The following RGS7BP variants were observed in gnomAD, a reference collection of about 807,000 sequenced individuals.
The protein encoded by RGS7BP is regulator of G protein signaling 7 binding protein.
A neutral mutation model predicts 31.3 loss-of-function variants in RGS7BP; 9 were observed. The observed-to-expected ratio is 0.29, with a 90% confidence interval of 0.17 to 0.50. The LOEUF is 0.50. RGS7BP is among the 20% of genes least tolerant of loss of function. The pLI is 0.98. For synonymous variants in RGS7BP, 115 were observed against 120.1 expected (o/e 0.96, Z 0.28); for missense variants, 274 against 322.0 (o/e 0.85, Z 1.14).
chr5:64,506,888 C>T lies in RGS7BP; in HGVS notation c.165+99C>T, dbSNP rs150368336. On this transcript the variant is annotated intron_variant, in intron 1 of 5. Transcript: ENST00000334025. The surrounding 1 kb of genome is among the most constrained non-coding windows in gnomAD (Gnocchi z 4.6). ...TTTGCCTGAGTGCCAGCCACTCCCC[C>T]ACCCTCAGCTCCTCAATGCCGATCA... The T allele has an allele frequency of 3.8e-5, 43 of 1,145,250 alleles. No homozygotes were observed. In the East Asian group the frequency reaches 8.8e-4, roughly 23 times the overall value. The allele number at this position is 1,145,250 out of a possible 1,614,324, so 70.9% of individuals were successfully genotyped here.
chr5:64,523,700 G>C (rs1306603360), intron 2 of RGS7BP, among the ~76,000 whole-genome samples: 2 of 152,128 alleles, frequency 1.3e-5, no homozygotes, highest in Non-Finnish European at 2.9e-5. Flanking sequence ...GAGAAAAAAG[G>C]AAATATATTT....
intron 3 of RGS7BP, among the ~76,000 whole-genome samples, chr5:64,585,139 G>A (rs1486552618): frequency 1.3e-5 from 2 of 152,086 alleles, no homozygotes; most frequent in African/African-American, 4.8e-5. Context: ...CAGTCAGTAT[G>A]AAAACTGCCC....
chr5:64,577,505 C>G (rs1328131728), intron 3 of RGS7BP, among the ~76,000 whole-genome samples: 1 of 152,136 alleles, frequency 6.6e-6, no homozygotes, highest in Non-Finnish European at 1.5e-5. Flanking sequence ...AAAACAAGAT[C>G]CTACTACATT....
At position 64,561,829 on chromosome 5, in the gene RGS7BP, C is replaced by G. The variant is rs551288537; in HGVS notation, c.333-13945C>G. On this transcript the variant is annotated intron_variant, in intron 2 of 5. Transcript: ENST00000334025. ...AACCTAAACGTTTGCTAATCACTAT[C>G]TCCTCCTGCCCATATGTCTGTCTGC... 5.4e-4 allele frequency among the ~76,000 whole-genome samples: 81 copies of G among 149,174 alleles called. 1 individual carries two copies. The highest frequency in any genetic ancestry group is 1.7e-3 in the African/African-American group (67 of 38,666).
rs148551532 is a variant in RGS7BP, at chr5:64,507,851, A to G, written c.306A>G (p.Ala102=). The change falls in exon 2 of 6, where the codon GCA becomes GCG. Residue 102 remains alanine, a synonymous_variant. Coordinates refer to ENST00000334025, the MANE Select transcript of RGS7BP (RefSeq NM_001029875.3). ...AAGGCTGTGAAATGGCCCGTCAGGC[A>G]CACCAAAAATTGGCTGCCATCTCAG... is the stretch of plus-strand genomic sequence containing the variant. The part of the protein sequence containing the change: ...RTKGCEMARQ[A]HQKLAAISGP... The G allele has an allele frequency of 7.4e-6, 12 of 1,613,466 alleles. No individual in the cohort carries two copies. In the African/African-American group the frequency reaches 1.6e-4, roughly 22 times the overall value.
intron 2 of RGS7BP, among the ~76,000 whole-genome samples, chr5:64,530,969 A>G (rs549222955): frequency 3.9e-4 from 60 of 152,324 alleles, no homozygotes; most frequent in African/African-American, 1.4e-3. Flanking sequence ...TGCCCTAGCC[A>G]ACACCACTGA....
intron 2 of RGS7BP, among the ~76,000 whole-genome samples, chr5:64,549,096 G>A (rs1471379122): frequency 1.3e-5 from 2 of 151,998 alleles, no homozygotes; most frequent in South Asian, 2.1e-4. Flanking sequence ...AAAGTCCAAG[G>A]TCTCATCTAA....
intron 2 of RGS7BP, among the ~76,000 whole-genome samples, chr5:64,565,629 C>G (rs534954184): frequency 9.2e-5 from 14 of 152,054 alleles, no homozygotes; most frequent in Non-Finnish European, 1.8e-4. Context: ...ACTTCTCACA[C>G]CACATAGGCA....
At chr5:64,511,248 C>T (rs1748824302) in intron 2 of RGS7BP, among the ~76,000 whole-genome samples, 1 of 152,250 alleles carries the variant, frequency 6.6e-6, no homozygotes, top group African/African-American at 2.4e-5. Context: ...ATACAATCAA[C>T]ACGCTTTCTC....
At chr5:64,538,493 TC>T (rs1330513147) in intron 2 of RGS7BP, among the ~76,000 whole-genome samples, 2 of 143,028 alleles carry the variant, frequency 1.4e-5, no homozygotes, top group Admixed American at 7.0e-5. Flanking sequence ...CCATTTTTTT[TC>T]CTTTTCTTTT....
chr5:64,569,875 C>A (rs1276319397), intron 2 of RGS7BP, among the ~76,000 whole-genome samples: 1 of 152,196 alleles, frequency 6.6e-6, no homozygotes, highest in Non-Finnish European at 1.5e-5. Flanking sequence ...CATCCCCTTC[C>A]CTCATCCTGT....
rs1743449384 is a variant in RGS7BP, at chr5:64,609,459, C to A, written c.*207C>A. 4 of 542,570 alleles carry A rather than the reference C, an allele frequency of 7.4e-6. No homozygotes were observed. Among genetic ancestry groups the A allele is most frequent in the Non-Finnish European group, 1.3e-5 (4 of 301,156 alleles). The allele number at this position is 542,570 out of a possible 1,614,324, so 33.6% of individuals were successfully genotyped here. On this transcript the variant is annotated 3_prime_UTR_variant, in exon 6 of 6. Transcript: ENST00000334025. The stretch of plus-strand genomic sequence containing the variant: ...AGAAAAAAAAGAACAGATTCAAAAA[C>A]CAGGCTGTTTTTAAAAGGGAATTTT...
At chr5:64,582,897 T>C (rs1037095485) in intron 3 of RGS7BP, among the ~76,000 whole-genome samples, 1 of 152,138 alleles carries the variant, frequency 6.6e-6, no homozygotes, top group Non-Finnish European at 1.5e-5. Flanking sequence ...AGAAATAGAA[T>C]ATAGCTGCCT....
At chr5:64,596,415 G>A (rs575995336) in intron 4 of RGS7BP, among the ~76,000 whole-genome samples, 6 of 152,198 alleles carry the variant, frequency 3.9e-5, no homozygotes, top group Non-Finnish European at 7.3e-5. Flanking sequence ...TAAGCCAACT[G>A]AATCAGGCTC....
At chr5:64,564,342 C>A (rs1425370406) in intron 2 of RGS7BP, among the ~76,000 whole-genome samples, 2 of 152,178 alleles carry the variant, frequency 1.3e-5, no homozygotes, top group African/African-American at 2.4e-5. Flanking sequence ...TGCTGGTTTT[C>A]TTTAATATGC....
At chr5:64,558,729 G>A (rs1741982775) in intron 2 of RGS7BP, among the ~76,000 whole-genome samples, 1 of 152,086 alleles carries the variant, frequency 6.6e-6, no homozygotes, top group South Asian at 2.1e-4. Flanking sequence ...ATGGGTAAGA[G>A]AAATATCACT....
chr5:64,599,472 G>A (rs2111970392), intron 5 of RGS7BP, among the ~76,000 whole-genome samples: 1 of 152,298 alleles, frequency 6.6e-6, no homozygotes, highest in Middle Eastern at 3.4e-3. Context: ...GCAGAAGGTG[G>A]AGGGGTGGAA....
At chr5:64,584,918 T>C (rs1742701939) in intron 3 of RGS7BP, among the ~76,000 whole-genome samples, 1 of 152,208 alleles carries the variant, frequency 6.6e-6, no homozygotes, top group Non-Finnish European at 1.5e-5. Flanking sequence ...ATATAATTTA[T>C]TTCTATTTAA....
intron 2 of RGS7BP, among the ~76,000 whole-genome samples, chr5:64,574,926 T>C (rs571387988): frequency 5.1e-4 from 77 of 152,310 alleles, no homozygotes; most frequent in African/African-American, 1.7e-3. Flanking sequence ...AGGCTTTCTT[T>C]TATTTCTAAT....
Sources: allele counts gnomAD v4.1 joint callset (sites outside exome capture counted in the v4.1 genomes callset), GRCh38; gene constraint gnomAD v4.1.1; non-coding constraint Gnocchi (gnomAD v3.1); transcripts MANE v1.5; gene names NCBI Gene and HGNC (gene_info 2026-07-23, HGNC 2026-07-21).